The following TMTC4 variants were observed in gnomAD, a reference collection of about 807,000 sequenced individuals.
The protein encoded by TMTC4 is transmembrane O-mannosyltransferase targeting cadherins 4.
A neutral mutation model predicts 86.0 loss-of-function variants in TMTC4; 65 were observed. The observed-to-expected ratio is 0.76, with a 90% CI of 0.62 to 0.93. TMTC4 has a LOEUF of 0.93. Ranked by LOEUF, TMTC4 falls within the 40% of genes least tolerant of loss-of-function variation. TMTC4 has a pLI of 0.00. For synonymous variants in TMTC4, 379 were observed against 382.5 expected (o/e 0.99, Z 0.11); for missense variants, 866 against 948.1 (o/e 0.91, Z 1.14).
intron 17 of TMTC4, among the ~76,000 whole-genome samples, chr13:100,608,208 C>T (rs562736075): frequency 1.2e-4 from 19 of 152,236 alleles, no homozygotes; most frequent in South Asian, 8.3e-4. Context: ...CCTGTGAGGA[C>T]GAACATCATT....
intron 12 of TMTC4, among the ~76,000 whole-genome samples, chr13:100,634,547 G>A (rs1396505291): frequency 2.0e-5 from 3 of 152,054 alleles, no homozygotes; most frequent in Non-Finnish European, 4.4e-5. Context: ...TCTGGAAGAT[G>A]ATTAAGACCT....
intron 12 of TMTC4, among the ~76,000 whole-genome samples, chr13:100,626,657 C>G (rs1880596409): frequency 6.6e-6 from 1 of 152,074 alleles, no homozygotes; most frequent in Non-Finnish European, 1.5e-5. Context: ...AAATTCCCCT[C>G]ACCTACACAC....
At chr13:100,672,353 A>G (rs1028307640) in intron 1 of TMTC4, among the ~76,000 whole-genome samples, 7 of 152,192 alleles carry the variant, frequency 4.6e-5, no homozygotes, top group Non-Finnish European at 1.0e-4. Context: ...AACCATGCAC[A>G]GTGACCTTGT....
At chr13:100,664,702 C>T (rs112249125) in intron 3 of TMTC4, among the ~76,000 whole-genome samples, 2,372 of 152,246 alleles carry the variant, frequency 0.016, 32 homozygotes, top group Non-Finnish European at 0.024. Context: ...CAACTCCTTC[C>T]GCCATTCATC....
intron 9 of TMTC4, among the ~76,000 whole-genome samples, chr13:100,636,991 C>G (rs1282047772): frequency 1.3e-5 from 2 of 152,134 alleles, no homozygotes; most frequent in Non-Finnish European, 2.9e-5. Context: ...TCTGGCAAAG[C>G]TATGATCTAT....
At chr13:100,658,445 GA>G (rs1490173355) in intron 5 of TMTC4, among the ~76,000 whole-genome samples, 1 of 152,092 alleles carries the variant, frequency 6.6e-6, no homozygotes, top group Non-Finnish European at 1.5e-5. Flanking sequence ...GGATGGACTG[GA>G]ATCCCAACCC....
chr13:100,635,235 G>T, intron 10 of TMTC4, 40 bp from the exon 11 acceptor site: 1 of 1,484,762 alleles, frequency 6.7e-7, no homozygotes, highest in South Asian at 1.4e-5. Flanking sequence ...GCTATTTCCA[G>T]ACTTCTCAAG....
intron 6 of TMTC4, among the ~76,000 whole-genome samples, chr13:100,646,544 G>C (rs1226154826): frequency 1.3e-5 from 2 of 152,162 alleles, no homozygotes; most frequent in African/African-American, 4.8e-5. Flanking sequence ...ACCACAGCCC[G>C]TTTCATTAAA....
At chr13:100,626,274 C>G (rs1489029252) in intron 12 of TMTC4, 124 bp from the exon 13 acceptor site, 1 of 976,732 alleles carries the variant, frequency 1.0e-6, no homozygotes, top group Non-Finnish European at 1.6e-6. Context: ...CCCACCAGAA[C>G]TTTAGCTAAA....
chr13:100,666,498 C>T (rs550110870), intron 3 of TMTC4, among the ~76,000 whole-genome samples: 1 of 152,282 alleles, frequency 6.6e-6, no homozygotes, highest in South Asian at 2.1e-4. Flanking sequence ...ACCCAGACAC[C>T]GGGGCCTCCA....
chr13:100,656,508 A>C, intron 5 of TMTC4, 40 bp from the exon 6 acceptor site: 20 of 1,365,818 alleles, frequency 1.5e-5, no homozygotes, highest in East Asian at 2.4e-5. Context: ...TACATAAAAC[A>C]CATTTAAGGA....
intron 12 of TMTC4, among the ~76,000 whole-genome samples, chr13:100,633,653 T>C (rs1881762939): frequency 6.6e-6 from 1 of 152,194 alleles, no homozygotes; most frequent in Non-Finnish European, 1.5e-5. Context: ...TTAGCTGATT[T>C]TGTCATTGTT....
At chr13:100,644,578 C>T (rs907268715) in intron 6 of TMTC4, among the ~76,000 whole-genome samples, 3 of 152,196 alleles carry the variant, frequency 2.0e-5, no homozygotes, top group Non-Finnish European at 2.9e-5. Context: ...ACAGCCTCCT[C>T]ACTCCCACAC....
chr13:100,614,192 C>T, intron 16 of TMTC4, 124 bp downstream of exon 16: 1 of 729,624 alleles, frequency 1.4e-6, no homozygotes, highest in South Asian at 2.2e-5. Flanking sequence ...AAATAATTAA[C>T]TTCACATTAA....
chr13:100,620,426 A>C (rs893908805), intron 15 of TMTC4, among the ~76,000 whole-genome samples: 1 of 152,168 alleles, frequency 6.6e-6, no homozygotes, highest in African/African-American at 2.4e-5. Context: ...CAGAGATTGT[A>C]ACCTCTTGTG....
chr13:100,670,662 A>C, intron 1 of TMTC4, 93 bp from the exon 2 acceptor site: 37 of 333,430 alleles, frequency 1.1e-4, no homozygotes, highest in East Asian at 2.7e-4. Flanking sequence ...AAAACAACAA[A>C]TCAAGGCTGG....
At chr13:100,627,524 C>T (rs940116886) in intron 12 of TMTC4, among the ~76,000 whole-genome samples, 4 of 152,138 alleles carry the variant, frequency 2.6e-5, no homozygotes, top group Non-Finnish European at 5.9e-5. Context: ...TCGCTCCCAC[C>T]TCTGCCTCTG....
chr13:100,630,855 T>G (rs1272160286), intron 12 of TMTC4, among the ~76,000 whole-genome samples: 1 of 152,148 alleles, frequency 6.6e-6, no homozygotes, highest in Admixed American at 6.6e-5. Flanking sequence ...GAGAAGGACG[T>G]GGGACTCTGG....
chr13:100,640,926 G>A (rs182448753), intron 7 of TMTC4, among the ~76,000 whole-genome samples: 268 of 152,150 alleles, frequency 1.8e-3, no homozygotes, highest in Non-Finnish European at 3.2e-3. Context: ...GCAGGAAACT[G>A]GTTAGAATGG....
Sources: allele counts gnomAD v4.1 joint callset (sites outside exome capture counted in the v4.1 genomes callset), GRCh38; gene constraint gnomAD v4.1.1; transcripts MANE v1.5; gene names NCBI Gene and HGNC (gene_info 2026-07-23, HGNC 2026-07-21).